UBE2L3: variants seen among roughly 807,000 people sequenced by gnomAD.
UBE2L3 encodes ubiquitin conjugating enzyme E2 L3, also known as ubiquitin-conjugating enzyme E2 L3.
UBE2L3 carries 1 observed loss-of-function variant against 17.8 expected under a neutral mutation model. The ratio of observed to expected loss-of-function variants is 0.06; its 90% CI spans 0.02 to 0.27. The LOEUF is 0.27. UBE2L3 is among the 10% of genes least tolerant of loss of function. The pLI, the probability that UBE2L3 is intolerant of heterozygous loss-of-function variation, is 1.00. For missense variants in UBE2L3, 40 were observed against 192.6 expected, an observed-to-expected ratio of 0.21 and a Z score of 4.69; for synonymous variants, 44 against 68.5, an observed-to-expected ratio of 0.64 and a Z score of 1.76.
intron 2 of UBE2L3, among the ~76,000 whole-genome samples, chr22:21,598,044 G>A (rs991262282): frequency 4.1e-5 from 6 of 147,738 alleles, no homozygotes; most frequent in African/African-American, 7.5e-5. Context: ...CAAGTGATCC[G>A]CCTGCCTTAG....
Position 21,612,643 on chromosome 22 carries a change from CTTTTTTTTTTTTTTT to C in UBE2L3, c.310+1614_310+1628del, listed in dbSNP as rs57678378. On this transcript the variant is annotated intron_variant, in intron 3 of 3. Transcript: ENST00000342192. Reference sequence around the variant, plus strand: ...CCCAGCCGATTTTTTCTTTTCTTTTCTTTTTTTTTTTTTTTTTTTTTTTTTTTTGAGACGGAGTCA... The same window carrying C: ...CCCAGCCGATTTTTTCTTTTCTTTTCTTTTTTTTTTTTTGAGACGGAGTCA... 3.2e-3 allele frequency among the ~76,000 whole-genome samples: 166 copies of C among 52,496 alleles called. 1 individual carries two copies. The highest frequency in any genetic ancestry group is 0.017 in the Middle Eastern group (1 of 60). The allele number at this position is 52,496 out of a possible 152,430, so 34.4% of individuals were successfully genotyped here.
intron 3 of UBE2L3, among the ~76,000 whole-genome samples, chr22:21,613,381 A>G (rs1357673911): frequency 6.6e-6 from 1 of 152,162 alleles, no homozygotes; most frequent in Admixed American, 6.5e-5. Flanking sequence ...TTTTTGTAAA[A>G]AGTACTGTTG....
At chr22:21,617,864 G>A (rs909335881) in intron 3 of UBE2L3, among the ~76,000 whole-genome samples, 1 of 152,162 alleles carries the variant, frequency 6.6e-6, no homozygotes, top group Admixed American at 6.5e-5. Flanking sequence ...ATACTTATCA[G>A]AACTACTAAG....
intron 2 of UBE2L3, among the ~76,000 whole-genome samples, chr22:21,601,652 A>G (rs970591723): frequency 6.6e-6 from 1 of 151,736 alleles, no homozygotes. Context: ...GTGGATCACG[A>G]AGGCTTGAGA....
intron 1 of UBE2L3, among the ~76,000 whole-genome samples, chr22:21,556,271 T>C (rs928512643): frequency 4.6e-5 from 7 of 152,226 alleles, no homozygotes; most frequent in Middle Eastern, 3.2e-3. Flanking sequence ...GGCGTGTGCC[T>C]GTAGCCCCAG....
chr22:21,573,605 C>A (rs532703953), intron 1 of UBE2L3, among the ~76,000 whole-genome samples: 1 of 152,234 alleles, frequency 6.6e-6, no homozygotes, highest in African/African-American at 2.4e-5. Context: ...CGAACTTGGC[C>A]TGGCCCTTTA....
chr22:21,567,694 C>T (rs751551968), upstream of UBE2L3: 13 of 1,560,268 alleles, frequency 8.3e-6, no homozygotes, highest in Non-Finnish European at 1.0e-5. Context: ...GGGCTCCAGC[C>T]GCCCGGCCGG....
Position 21,622,933 on chromosome 22 carries a change from A to C in UBE2L3, c.*1264A>C, listed in dbSNP as rs1308677979. 2.0e-5 allele frequency: 3 copies of C among 152,738 alleles called. No homozygotes were observed. Among genetic ancestry groups the C allele is most frequent in the African/African-American group, 7.2e-5 (3 of 41,448 alleles). The allele number at this position is 152,738 out of a possible 1,614,324, so 9.5% of individuals were successfully genotyped here. On this transcript the variant is annotated 3_prime_UTR_variant, in exon 4 of 4. Transcript: ENST00000342192. ...GAAATAAAAATTGACCTTAGAATTT[A>C]TCGTCAGATAAACTTGTAAAGATTT...
At chr22:21,594,762 G>A (rs1222014761) in intron 2 of UBE2L3, among the ~76,000 whole-genome samples, 1 of 152,178 alleles carries the variant, frequency 6.6e-6, no homozygotes, top group African/African-American at 2.4e-5. Context: ...GGGTTGGCCT[G>A]TGAGTGCAGC....
rs147976588 is a variant in UBE2L3 at position 21,615,411 on chromosome 22, C to A, written c.310+4368C>A. 2.4e-3 allele frequency among the ~76,000 whole-genome samples: 365 copies of A among 150,872 alleles called. 1 individual carries two copies. The highest frequency in any genetic ancestry group is 8.5e-3 in the African/African-American group (350 of 41,116). On this transcript the variant is annotated intron_variant, in intron 3 of 3. Transcript: ENST00000342192. ...TTTACTAAAAATAAAAAAAATTAGCCGAGCTTGGTGGCAGGCGCCTGTAGT... is the reference window on the plus strand; with the variant it reads ...TTTACTAAAAATAAAAAAAATTAGCAGAGCTTGGTGGCAGGCGCCTGTAGT...
intron 1 of UBE2L3, among the ~76,000 whole-genome samples, chr22:21,556,629 A>ATTT (rs780653296): frequency 7.7e-5 from 10 of 130,458 alleles, no homozygotes; most frequent in Non-Finnish European, 9.7e-5. Flanking sequence ...TTTTTTTTGT[A>ATTT]TTTTTTTTTT....
intron 1 of UBE2L3, among the ~76,000 whole-genome samples, chr22:21,559,574 G>C (rs1024531548): frequency 3.3e-5 from 5 of 151,714 alleles, no homozygotes; most frequent in Non-Finnish European, 5.9e-5. Flanking sequence ...TCCTGCATGA[G>C]GCAAGGAGGA....
intron 2 of UBE2L3, among the ~76,000 whole-genome samples, chr22:21,599,665 GT>G: frequency 6.6e-6 from 1 of 152,344 alleles, no homozygotes; most frequent in East Asian, 1.9e-4. Context: ...CATATGTGTA[GT>G]TTGCATAGAT....
At chr22:21,574,908 C>T (rs144121833) in intron 1 of UBE2L3, among the ~76,000 whole-genome samples, 13 of 149,724 alleles carry the variant, frequency 8.7e-5, no homozygotes, top group Admixed American at 3.3e-4. Flanking sequence ...GAGGTTGCAG[C>T]GAGCTGAGAT....
At chr22:21,576,101 T>C (rs1435458895) in intron 1 of UBE2L3, among the ~76,000 whole-genome samples, 2 of 148,732 alleles carry the variant, frequency 1.3e-5, no homozygotes, top group African/African-American at 5.0e-5. Context: ...GGGGTGGAGG[T>C]TTGAAAGCAA....
chr22:21,577,386 T>A (rs1285842243), intron 1 of UBE2L3, among the ~76,000 whole-genome samples: 1 of 152,194 alleles, frequency 6.6e-6, no homozygotes, highest in Non-Finnish European at 1.5e-5. Flanking sequence ...ATTACAGGCG[T>A]GAGCTACCGC....
At chr22:21,602,033 G>C (rs1460913856) in intron 2 of UBE2L3, among the ~76,000 whole-genome samples, 1 of 151,706 alleles carries the variant, frequency 6.6e-6, no homozygotes, top group Non-Finnish European at 1.5e-5. Context: ...GCGTCCCCTT[G>C]TTCTCTCTTA....
intron 1 of UBE2L3, among the ~76,000 whole-genome samples, chr22:21,583,338 C>G (rs1456112644): frequency 1.3e-5 from 2 of 152,210 alleles, no homozygotes; most frequent in African/African-American, 4.8e-5. Flanking sequence ...TTTCTCAGTT[C>G]TTTTAACCCA....
intron 1 of UBE2L3, among the ~76,000 whole-genome samples, chr22:21,582,720 T>C (rs950855900): frequency 3.9e-5 from 6 of 152,036 alleles, no homozygotes; most frequent in Non-Finnish European, 7.4e-5. Flanking sequence ...GAGACGAGGT[T>C]TCACCATGTT....
Sources: allele counts gnomAD v4.1 joint callset (sites outside exome capture counted in the v4.1 genomes callset), GRCh38; gene constraint gnomAD v4.1.1; transcripts MANE v1.5; gene names NCBI Gene and HGNC (gene_info 2026-07-23, HGNC 2026-07-21).